The following SDK1 variants were observed in gnomAD, a reference collection of about 807,000 sequenced individuals.
The protein encoded by SDK1 is protein sidekick-1.
Under a neutral mutation model 245.5 loss-of-function variants are expected in SDK1, and 157 were observed. The observed-to-expected ratio is 0.64, with a 90% CI of 0.56 to 0.73. The LOEUF is 0.73. SDK1 is among the 30% of genes least tolerant of loss of function. The pLI, the probability that SDK1 is intolerant of heterozygous loss-of-function variation, is 0.00. For synonymous variants in SDK1, 1,647 were observed against 1,278.5 expected, an observed-to-expected ratio of 1.29 and a Z score of -6.15; for missense variants, 3,583 against 3,002.3, an observed-to-expected ratio of 1.19 and a Z score of -4.52.
chr7:3,365,764 G>A (rs772350930), intron 1 of SDK1, among the ~76,000 whole-genome samples: 55 of 152,058 alleles, frequency 3.6e-4, no homozygotes, highest in Non-Finnish European at 7.2e-4. Context: ...TGGGCGTGGT[G>A]GCTCATGCCT....
chr7:4,032,773 A>C (rs1387862318), intron 17 of SDK1, among the ~76,000 whole-genome samples: 2 of 152,240 alleles, frequency 1.3e-5, no homozygotes, highest in Admixed American at 1.3e-4. Flanking sequence ...AAACTTAAGA[A>C]ATAGCAAACA....
intron 1 of SDK1, among the ~76,000 whole-genome samples, chr7:3,354,936 C>A (rs1300091206): frequency 6.6e-6 from 1 of 152,244 alleles, no homozygotes; most frequent in African/African-American, 2.4e-5. Context: ...CACCAGCCAA[C>A]ACTCACTACA....
intron 4 of SDK1, among the ~76,000 whole-genome samples, chr7:3,820,804 T>C (rs1444822452): frequency 2.0e-5 from 3 of 152,188 alleles, no homozygotes; most frequent in African/African-American, 7.2e-5. Context: ...CCCAGTAGAA[T>C]CAGGATGAAT....
chr7:3,920,399 A>C (rs565188082), intron 5 of SDK1, among the ~76,000 whole-genome samples: 9 of 152,120 alleles, frequency 5.9e-5, no homozygotes, highest in Non-Finnish European at 1.2e-4. Context: ...TCTGGGGGGA[A>C]GGTCAAGGTC....
At chr7:4,126,033 C>A (rs191244683) in intron 25 of SDK1, among the ~76,000 whole-genome samples, 54 of 152,316 alleles carry the variant, frequency 3.5e-4, no homozygotes, top group Middle Eastern at 3.4e-3. Flanking sequence ...CCTCCCAGAA[C>A]CTCCGTTGCT....
intron 35 of SDK1, among the ~76,000 whole-genome samples, chr7:4,190,488 A>C (rs903245307): frequency 1.3e-5 from 2 of 152,228 alleles, no homozygotes; most frequent in Non-Finnish European, 1.5e-5. Context: ...CCCGGGCGCT[A>C]TCCCACCCTC....
intron 1 of SDK1, among the ~76,000 whole-genome samples, chr7:3,563,197 G>T (rs1209857155): frequency 1.3e-5 from 2 of 152,040 alleles, no homozygotes; most frequent in African/African-American, 2.4e-5. Flanking sequence ...GAAAGGGGAA[G>T]TGGGATGGAA....
intron 4 of SDK1, among the ~76,000 whole-genome samples, chr7:3,711,228 TTAAAG>T (rs1018560184): frequency 7.2e-5 from 11 of 152,226 alleles, no homozygotes; most frequent in African/African-American, 2.7e-4. Context: ...CTTCTTCTCT[TTAAAG>T]TGAGAATAAT....
At chr7:3,481,970 A>G (rs919297079) in intron 1 of SDK1, among the ~76,000 whole-genome samples, 1 of 152,228 alleles carries the variant, frequency 6.6e-6, no homozygotes, top group Non-Finnish European at 1.5e-5. Context: ...GCCCTGCCTC[A>G]CATCAAAAAG....
chr7:4,251,801 C>G (rs1562482752), intron 44 of SDK1, among the ~76,000 whole-genome samples: 1 of 152,232 alleles, frequency 6.6e-6, no homozygotes, highest in South Asian at 2.1e-4. Context: ...CAGACCTGCT[C>G]TGTTAACTTT....
At chr7:3,789,129 G>A (rs28541657) in intron 4 of SDK1, among the ~76,000 whole-genome samples, 17 of 152,112 alleles carry the variant, frequency 1.1e-4, no homozygotes, top group African/African-American at 2.2e-4. Flanking sequence ...GCCACTAACC[G>A]GGGAAAGTAA....
At chr7:3,988,465 C>G (rs10252433) in intron 14 of SDK1, among the ~76,000 whole-genome samples, 1 of 152,090 alleles carries the variant, frequency 6.6e-6, no homozygotes, top group Non-Finnish European at 1.5e-5. Flanking sequence ...CAGACCAGGC[C>G]ACTCCCCTGT....
At chr7:3,704,882 A>G (rs1019983874) in intron 4 of SDK1, among the ~76,000 whole-genome samples, 2 of 152,160 alleles carry the variant, frequency 1.3e-5, no homozygotes, top group Non-Finnish European at 2.9e-5. Flanking sequence ...AGAGACAGGG[A>G]TTCAGTTTCA....
intron 1 of SDK1, among the ~76,000 whole-genome samples, chr7:3,447,127 C>T (rs1338952117): frequency 6.6e-6 from 1 of 152,066 alleles, no homozygotes; most frequent in Non-Finnish European, 1.5e-5. Context: ...AAGAAGTGTT[C>T]TCTAAGAGAT....
intron 1 of SDK1, among the ~76,000 whole-genome samples, chr7:3,565,857 G>C (rs530155613): frequency 6.6e-6 from 1 of 152,092 alleles, no homozygotes; most frequent in South Asian, 2.1e-4. Context: ...AATTTTTTCC[G>C]AATATTTTCC....
Position 4,029,168 on chromosome 7 carries a change from A to G in SDK1, c.2602+11816A>G, listed in dbSNP as rs553822997. Among the ~76,000 whole-genome samples the G allele has an allele frequency of 2.6e-4, 38 of 148,224 alleles. No individual in the cohort carries two copies. In the South Asian group the frequency reaches 2.9e-3, roughly 11 times the overall value. On this transcript the variant is annotated intron_variant, in intron 17 of 44. Coordinates refer to ENST00000404826, the MANE Select transcript of SDK1 (RefSeq NM_152744.4). ...GGGGGTCACTGAATTGATAGACCTAAATACCATATTCATCCTGTAGCTTGA... is the reference window on the plus strand; with the variant it reads ...GGGGGTCACTGAATTGATAGACCTAGATACCATATTCATCCTGTAGCTTGA...
intron 32 of SDK1, among the ~76,000 whole-genome samples, chr7:4,168,392 C>G (rs564713086): frequency 6.6e-6 from 1 of 152,388 alleles, no homozygotes; most frequent in African/African-American, 2.4e-5. Context: ...TCTTATAGCT[C>G]TAAATCATCT....
At chr7:3,944,432 ATGTTT>A (rs1780496850) in intron 5 of SDK1, among the ~76,000 whole-genome samples, 1 of 152,250 alleles carries the variant, frequency 6.6e-6, no homozygotes, top group Non-Finnish European at 1.5e-5. Flanking sequence ...CATTTTAAAA[ATGTTT>A]TGTTAATGTA....
At chr7:3,816,559 C>A (rs925211553) in intron 4 of SDK1, among the ~76,000 whole-genome samples, 9 of 151,684 alleles carry the variant, frequency 5.9e-5, no homozygotes, top group Non-Finnish European at 1.3e-4. Context: ...GAAGTTGAAT[C>A]TCTGAATAGA....
Sources: allele counts gnomAD v4.1 joint callset (sites outside exome capture counted in the v4.1 genomes callset), GRCh38; gene constraint gnomAD v4.1.1; transcripts MANE v1.5; gene names NCBI Gene and HGNC (gene_info 2026-07-23, HGNC 2026-07-21).